The following KCNU1 variants were observed in gnomAD, a reference collection of about 807,000 sequenced individuals.
KCNU1 encodes potassium calcium-activated channel subfamily U member 1.
A neutral mutation model predicts 126.8 loss-of-function variants in KCNU1; 93 were observed. The observed-to-expected ratio is 0.73, with a 90% CI of 0.62 to 0.87. The LOEUF (loss-of-function observed/expected upper bound fraction) is 0.87, where lower values mean the gene tolerates loss of function less well. KCNU1 is among the 40% of genes least tolerant of loss of function. The pLI, the probability that KCNU1 is intolerant of heterozygous loss-of-function variation, is 0.00. For missense variants in KCNU1, 1,330 were observed against 1,367.1 expected (o/e 0.97, Z 0.43); for synonymous variants, 523 against 494.2 (o/e 1.06, Z -0.77).
intron 10 of KCNU1, among the ~76,000 whole-genome samples, chr8:36,830,174 T>C (rs1268545921): frequency 1.3e-5 from 2 of 150,840 alleles, no homozygotes; most frequent in East Asian, 3.9e-4. Flanking sequence ...ACATAAATTG[T>C]ACACATAAGG....
rs2130420987 is a variant in KCNU1, at chr8:36,806,246, G to A, written c.469-23G>A. 2.7e-6 allele frequency: 4 copies of A among 1,470,186 alleles called. No individual in the cohort carries two copies. The East Asian group carries it at 9.1e-5, about 34-fold the overall frequency. 91.1% of individuals were successfully genotyped at this position (1,470,186 alleles called of 1,614,324 possible). ...AATTCTTGAGGGTAACAGAATTTGT[G>A]TTATTCTGTTTCTATTTCATAGTTT... On this transcript the variant is annotated intron_variant, in intron 4 of 26. Transcript: ENST00000399881.
intron 18 of KCNU1, among the ~76,000 whole-genome samples, chr8:36,854,263 A>G (rs1486418609): frequency 6.6e-6 from 1 of 151,956 alleles, no homozygotes; most frequent in Non-Finnish European, 1.5e-5. Flanking sequence ...AATGTTTTTC[A>G]ACCACTTTGA....
At chr8:36,866,888 A>G (rs1805930639) in intron 19 of KCNU1, among the ~76,000 whole-genome samples, 1 of 152,212 alleles carries the variant, frequency 6.6e-6, no homozygotes, top group Non-Finnish European at 1.5e-5. Flanking sequence ...CTCCCAATGC[A>G]AAGAAAGGGT....
chr8:36,890,868 G>A (rs926620680), intron 19 of KCNU1, among the ~76,000 whole-genome samples: 3 of 150,624 alleles, frequency 2.0e-5, no homozygotes, highest in Non-Finnish European at 4.4e-5. Flanking sequence ...TATTAGTATA[G>A]CCACTACAGT....
intron 18 of KCNU1, among the ~76,000 whole-genome samples, chr8:36,849,524 G>C (rs1444000695): frequency 5.3e-5 from 8 of 152,162 alleles, no homozygotes; most frequent in Non-Finnish European, 7.3e-5. Flanking sequence ...AGGAGGTGCA[G>C]GTTGGCAGTG....
intron 10 of KCNU1, among the ~76,000 whole-genome samples, chr8:36,826,133 G>T (rs1239727601): frequency 6.6e-6 from 1 of 151,494 alleles, no homozygotes; most frequent in East Asian, 1.9e-4. Flanking sequence ...CTAATTACAG[G>T]TTAACTCTGC....
intron 14 of KCNU1, among the ~76,000 whole-genome samples, chr8:36,837,679 AAGGGGCTAAAAG>A (rs1804801869): frequency 6.6e-6 from 1 of 152,240 alleles, no homozygotes; most frequent in African/African-American, 2.4e-5. Context: ...GAGACAAAGT[AAGGGGCTAAAAG>A]TGACTCTTGG....
intron 19 of KCNU1, among the ~76,000 whole-genome samples, chr8:36,864,933 C>T (rs1274344846): frequency 6.6e-6 from 1 of 152,108 alleles, no homozygotes; most frequent in African/African-American, 2.4e-5. Context: ...TCCTCCCTGC[C>T]CTTTTCCTTG....
intron 24 of KCNU1, among the ~76,000 whole-genome samples, chr8:36,925,484 G>C (rs1808502907): frequency 6.6e-6 from 1 of 152,138 alleles, no homozygotes; most frequent in South Asian, 2.1e-4. Flanking sequence ...ACTATTTAAT[G>C]ATGAGCTGAA....
chr8:36,796,017 G>A (rs914174544), intron 2 of KCNU1, among the ~76,000 whole-genome samples: 17 of 152,218 alleles, frequency 1.1e-4, no homozygotes, highest in Admixed American at 6.5e-4. Context: ...AATTGTATCC[G>A]AATTTTTCCT....
intron 18 of KCNU1, among the ~76,000 whole-genome samples, chr8:36,847,908 A>G (rs1805208397): frequency 6.6e-6 from 1 of 152,190 alleles, no homozygotes; most frequent in South Asian, 2.1e-4. Flanking sequence ...TAGCAGCTAT[A>G]CTAATTCATG....
At chr8:36,881,659 A>G (rs1806483535) in intron 19 of KCNU1, among the ~76,000 whole-genome samples, 1 of 152,122 alleles carries the variant, frequency 6.6e-6, no homozygotes, top group Non-Finnish European at 1.5e-5. Context: ...ATAGACACAA[A>G]CCTGAGTGTC....
intron 22 of KCNU1, among the ~76,000 whole-genome samples, chr8:36,915,877 G>A (rs1477730597): frequency 6.6e-6 from 1 of 151,488 alleles, no homozygotes; most frequent in African/African-American, 2.4e-5. Context: ...ACTGGGGCGA[G>A]GACTGTACAT....
At chr8:36,875,925 G>A (rs1001516977) in intron 19 of KCNU1, among the ~76,000 whole-genome samples, 4 of 152,130 alleles carry the variant, frequency 2.6e-5, no homozygotes, top group Non-Finnish European at 5.9e-5. Context: ...AGGACCATGG[G>A]CAACGTGCTT....
rs545684928 is a variant in KCNU1 at position 36,874,684 on chromosome 8, A to T, written c.2009+10163A>T. Among the ~76,000 whole-genome samples, 4 of 152,282 alleles carry T rather than the reference A, an allele frequency of 2.6e-5. No individual in the cohort carries two copies. The East Asian group carries it at 7.7e-4, about 29-fold the overall frequency. On this transcript the variant is annotated intron_variant, in intron 19 of 26. Transcript: ENST00000399881. Reference sequence around the variant, plus strand: ...CATCAAATATAAAGGCTGTTTACCCAACACTATAGATTATTAGCTTACCCA... The same window carrying T: ...CATCAAATATAAAGGCTGTTTACCCTACACTATAGATTATTAGCTTACCCA...
chr8:36,806,415 T>C (rs915899319), intron 5 of KCNU1, 35 bp downstream of exon 5: 1 of 1,055,788 alleles, frequency 9.5e-7, no homozygotes, highest in Non-Finnish European at 1.4e-6. Flanking sequence ...GCAATATCTA[T>C]GAATAAAATA....
chr8:36,842,499 A>G (rs1485932354), intron 16 of KCNU1, among the ~76,000 whole-genome samples: 1 of 152,224 alleles, frequency 6.6e-6, no homozygotes, highest in Non-Finnish European at 1.5e-5. Context: ...CTGAATGTAA[A>G]CATCTGCATA....
intron 7 of KCNU1, among the ~76,000 whole-genome samples, chr8:36,809,014 C>T (rs1284121866): frequency 6.6e-6 from 1 of 152,088 alleles, no homozygotes; most frequent in Non-Finnish European, 1.5e-5. Context: ...ACTTTCAAAA[C>T]CTACTCTTAA....
At chr8:36,896,444 T>C (rs1306450096) in intron 19 of KCNU1, among the ~76,000 whole-genome samples, 1 of 152,086 alleles carries the variant, frequency 6.6e-6, no homozygotes, top group Non-Finnish European at 1.5e-5. Context: ...TTTAGATTAA[T>C]AGGTTGTTGG....
Sources: gnomAD v4.1 joint callset for allele counts (sites outside exome capture counted in the v4.1 genomes callset) on GRCh38, gnomAD v4.1.1 for gene constraint, MANE v1.5 for transcripts, NCBI Gene and HGNC (gene_info 2026-07-23, HGNC 2026-07-21) for gene names.